The following PCDH15 variants were observed in gnomAD, a reference collection of about 807,000 sequenced individuals.
The protein encoded by PCDH15 is protocadherin-15.
In PCDH15, 129 loss-of-function variants were observed where a neutral mutation model predicts 178.5. The ratio of observed to expected loss-of-function variants is 0.72; its 90% CI spans 0.63 to 0.84. PCDH15 has a LOEUF of 0.84. Ranked by LOEUF, PCDH15 falls within the 40% of genes least tolerant of loss-of-function variation. The pLI is 0.00. For synonymous variants in PCDH15, 800 were observed against 732.0 expected (o/e 1.09, Z -1.50); for missense variants, 2,230 against 2,099.9 (o/e 1.06, Z -1.21).
chr10:55,430,783 T>C (rs1245980339), intron 2 of PCDH15, among the ~76,000 whole-genome samples: 1 of 152,190 alleles, frequency 6.6e-6, no homozygotes, highest in Non-Finnish European at 1.5e-5. Flanking sequence ...TTTGAAACAG[T>C]AAGCCAATGC....
intron 2 of PCDH15, among the ~76,000 whole-genome samples, chr10:55,512,285 T>C (rs563759343): frequency 2.0e-5 from 3 of 152,082 alleles, no homozygotes; most frequent in African/African-American, 7.2e-5. Flanking sequence ...TTAATAAAGC[T>C]ATTTTGCACT....
At chr10:55,372,198 T>C (rs991609531) in intron 2 of PCDH15, among the ~76,000 whole-genome samples, 2 of 152,126 alleles carry the variant, frequency 1.3e-5, no homozygotes, top group African/African-American at 2.4e-5. Flanking sequence ...TCTACACTTA[T>C]AGAGAAATGC....
At chr10:53,867,574 A>C (rs2079545485) in intron 26 of PCDH15, among the ~76,000 whole-genome samples, 1 of 152,154 alleles carries the variant, frequency 6.6e-6, no homozygotes, top group African/African-American at 2.4e-5. Context: ...GAGTCAATGA[A>C]TCAAGACTTT....
At chr10:54,954,480 T>G (rs971591772) in intron 2 of PCDH15, among the ~76,000 whole-genome samples, 1 of 151,256 alleles carries the variant, frequency 6.6e-6, no homozygotes, top group African/African-American at 2.4e-5. Context: ...GTCTTGGCAG[T>G]CCTATGAAAT....
intron 7 of PCDH15, among the ~76,000 whole-genome samples, chr10:54,319,664 T>C (rs557829043): frequency 8.5e-5 from 13 of 152,204 alleles, no homozygotes; most frequent in African/African-American, 2.9e-4. Flanking sequence ...AATCTTATTT[T>C]GCTAATTTAT....
chr10:55,411,562 T>C lies in PCDH15; in HGVS notation c.-156+216063A>G, dbSNP rs573580401. The stretch of plus-strand genomic sequence containing the variant: ...TCAAGTATTTTTTTCCCAGTGGCTA[T>C]GAAAATGCATTAAGATGTCATTCAT... On this transcript the variant is annotated intron_variant, in intron 2 of 5. Transcript: ENST00000613346. 1.6e-3 allele frequency among the ~76,000 whole-genome samples: 246 copies of C among 152,274 alleles called. 1 individual carries two copies. Among genetic ancestry groups the C allele is most frequent in the African/African-American group, 5.7e-3 (235 of 41,584 alleles).
chr10:54,061,887 A>G (rs939155712), intron 18 of PCDH15, among the ~76,000 whole-genome samples: 5 of 152,152 alleles, frequency 3.3e-5, no homozygotes, highest in African/African-American at 9.7e-5. Context: ...ATTTGCTTCA[A>G]AAGTATTCCT....
At chr10:53,809,360 C>A (rs1265659254) in intron 37 of PCDH15, 3 of 1,613,848 alleles carry the variant, frequency 1.9e-6, no homozygotes, top group Non-Finnish European at 2.5e-6. Context: ...CCCTCAAGGT[C>A]AACGATTCCT....
At chr10:54,885,636 T>C (rs1954344932) in intron 3 of PCDH15, among the ~76,000 whole-genome samples, 1 of 152,080 alleles carries the variant, frequency 6.6e-6, no homozygotes, top group South Asian at 2.1e-4. Context: ...AATTTTAAGA[T>C]GATCGCAAAC....
At chr10:54,781,391 T>C (rs1950346979) in intron 1 of PCDH15, among the ~76,000 whole-genome samples, 1 of 152,120 alleles carries the variant, frequency 6.6e-6, no homozygotes, top group Non-Finnish European at 1.5e-5. Context: ...ATTTAATACA[T>C]CTATGTAGAC....
chr10:55,065,440 A>AG (rs1841538960), intron 2 of PCDH15, among the ~76,000 whole-genome samples: 1 of 152,058 alleles, frequency 6.6e-6, no homozygotes, highest in African/African-American at 2.4e-5. Context: ...ATGACTCTAC[A>AG]GTAAGGCAAC....
At chr10:54,632,900 T>C (rs1207445071) in intron 2 of PCDH15, among the ~76,000 whole-genome samples, 1 of 152,018 alleles carries the variant, frequency 6.6e-6, no homozygotes, top group Non-Finnish European at 1.5e-5. Flanking sequence ...TAGGAGGAAA[T>C]GTGCATAATT....
intron 11 of PCDH15, among the ~76,000 whole-genome samples, chr10:54,186,035 G>A (rs1273032169): frequency 6.6e-6 from 1 of 151,900 alleles, no homozygotes; most frequent in Non-Finnish European, 1.5e-5. Flanking sequence ...TGAAACAGAA[G>A]ACAACATACT....
intron 2 of PCDH15, among the ~76,000 whole-genome samples, chr10:54,937,925 T>A (rs954315230): frequency 3.3e-5 from 5 of 152,070 alleles, no homozygotes; most frequent in African/African-American, 1.2e-4. Flanking sequence ...TCATTCCTTA[T>A]CTTAGGGGAA....
intron 2 of PCDH15, among the ~76,000 whole-genome samples, chr10:55,331,700 C>T (rs950867569): frequency 6.6e-6 from 1 of 152,100 alleles, no homozygotes; most frequent in Admixed American, 6.6e-5. Context: ...TACCTCTATT[C>T]TGCTACTCAC....
intron 2 of PCDH15, among the ~76,000 whole-genome samples, chr10:55,355,516 T>G (rs1394309812): frequency 6.6e-6 from 1 of 152,016 alleles, no homozygotes; most frequent in African/African-American, 2.4e-5. Context: ...TTTCATGGGC[T>G]AATTTCACAC....
chr10:55,299,900 G>T (rs560627303), intron 1 of PCDH15, among the ~76,000 whole-genome samples: 2 of 152,178 alleles, frequency 1.3e-5, no homozygotes, highest in East Asian at 3.9e-4. Flanking sequence ...ACAATGAATG[G>T]TTAAAGAACA....
At chr10:54,285,274 CA>C (rs1335336864) in intron 8 of PCDH15, among the ~76,000 whole-genome samples, 2 of 150,382 alleles carry the variant, frequency 1.3e-5, no homozygotes, top group Non-Finnish European at 1.5e-5. Flanking sequence ...AAACAATCAG[CA>C]GAGTAAAGAG....
At chr10:53,890,575 A>G (rs955736672) in intron 26 of PCDH15, among the ~76,000 whole-genome samples, 6 of 152,176 alleles carry the variant, frequency 3.9e-5, no homozygotes, top group Admixed American at 1.3e-4. Flanking sequence ...GAGACCATAA[A>G]TGTCTAGGGG....
Sources: allele counts gnomAD v4.1 joint callset (sites outside exome capture counted in the v4.1 genomes callset), GRCh38; gene constraint gnomAD v4.1.1; transcripts MANE v1.5; gene names NCBI Gene and HGNC (gene_info 2026-07-23, HGNC 2026-07-21).